NDST4: variants seen among roughly 807,000 people sequenced by gnomAD.
NDST4 encodes N-deacetylase and N-sulfotransferase 4.
A neutral mutation model predicts 100.8 loss-of-function variants in NDST4; 63 were observed. The observed-to-expected ratio is 0.62, with a 90% CI of 0.51 to 0.77. The LOEUF (loss-of-function observed/expected upper bound fraction) is 0.77, where lower values mean the gene tolerates loss of function less well. NDST4 is among the 30% of genes least tolerant of loss of function. NDST4 has a pLI of 0.00. For missense variants in NDST4, 943 were observed against 1,018.4 expected (o/e 0.93, Z 1.01); for synonymous variants, 377 against 361.8 (o/e 1.04, Z -0.48).
At chr4:114,851,008 G>A (rs1308058030) in intron 8 of NDST4, among the ~76,000 whole-genome samples, 2 of 151,976 alleles carry the variant, frequency 1.3e-5, no homozygotes, top group Non-Finnish European at 2.9e-5. Flanking sequence ...ATCTCTTCTG[G>A]GATTCAGCAA....
At chr4:114,932,268 A>G (rs1300685230) in intron 6 of NDST4, among the ~76,000 whole-genome samples, 1 of 151,978 alleles carries the variant, frequency 6.6e-6, no homozygotes, top group African/African-American at 2.4e-5. Context: ...TCTCAATAGA[A>G]GCAGAAAAAG....
intron 1 of NDST4, among the ~76,000 whole-genome samples, chr4:115,103,314 T>C (rs142730264): frequency 9.6e-4 from 146 of 152,318 alleles, no homozygotes; most frequent in African/African-American, 3.2e-3. Context: ...ATGAAGAATG[T>C]AATGCCCAAA....
At chr4:114,995,131 A>G (rs1229124770) in intron 2 of NDST4, among the ~76,000 whole-genome samples, 1 of 152,058 alleles carries the variant, frequency 6.6e-6, no homozygotes, top group African/African-American at 2.4e-5. Flanking sequence ...TCTCATTATT[A>G]CTAATTTCAC....
intron 2 of NDST4, among the ~76,000 whole-genome samples, chr4:115,066,454 T>A (rs2126285597): frequency 6.6e-6 from 1 of 152,008 alleles, no homozygotes; most frequent in South Asian, 2.1e-4. Flanking sequence ...AAAAGAAAAA[T>A]TATGATTAAC....
chr4:115,094,666 G>A (rs985128789), intron 1 of NDST4, among the ~76,000 whole-genome samples: 4 of 152,104 alleles, frequency 2.6e-5, no homozygotes, highest in African/African-American at 4.8e-5. Flanking sequence ...TAGGATTGTT[G>A]CAGGTGTAAT....
chr4:115,020,774 A>C (rs1235361943), intron 2 of NDST4, among the ~76,000 whole-genome samples: 1 of 152,190 alleles, frequency 6.6e-6, no homozygotes, highest in Non-Finnish European at 1.5e-5. Context: ...ACAGTTCCCA[A>C]AAGAAGATAT....
chr4:115,044,516 C>T (rs1728423600), intron 2 of NDST4, among the ~76,000 whole-genome samples: 1 of 151,968 alleles, frequency 6.6e-6, no homozygotes, highest in Non-Finnish European at 1.5e-5. Context: ...TGTGATTAAA[C>T]TGAAGCCCAT....
At chr4:114,954,399 C>T (rs74934644) in intron 4 of NDST4, among the ~76,000 whole-genome samples, 3,053 of 152,018 alleles carry the variant, frequency 0.02, 105 homozygotes, top group African/African-American at 0.068. Flanking sequence ...AATGTAAAAG[C>T]AGGATGGCAA....
chr4:115,047,510 A>T (rs930090350), intron 2 of NDST4, among the ~76,000 whole-genome samples: 1 of 152,128 alleles, frequency 6.6e-6, no homozygotes, highest in Non-Finnish European at 1.5e-5. Context: ...CTTATTTTTC[A>T]AAAGGTAATT....
At chr4:115,017,946 T>G (rs887198976) in intron 2 of NDST4, among the ~76,000 whole-genome samples, 1 of 151,878 alleles carries the variant, frequency 6.6e-6, no homozygotes, top group African/African-American at 2.4e-5. Context: ...GAAGACAAAT[T>G]TAATACATAT....
chr4:114,992,249 C>T (rs1727056554), intron 2 of NDST4, among the ~76,000 whole-genome samples: 1 of 151,708 alleles, frequency 6.6e-6, no homozygotes. Context: ...CCTTAAGCTA[C>T]TCTTGCCTGC....
intron 1 of NDST4, among the ~76,000 whole-genome samples, chr4:115,088,594 G>T (rs1340889508): frequency 6.6e-6 from 1 of 151,748 alleles, no homozygotes; most frequent in East Asian, 1.9e-4. Flanking sequence ...TTGTTAAGAA[G>T]TTTAGCTCAT....
chr4:115,035,309 G>T (rs1728209952), intron 2 of NDST4, among the ~76,000 whole-genome samples: 1 of 152,016 alleles, frequency 6.6e-6, no homozygotes, highest in African/African-American at 2.4e-5. Flanking sequence ...GCAAGAAATT[G>T]CATCAGATAG....
At chr4:115,100,730 C>G (rs1178083333) in intron 1 of NDST4, among the ~76,000 whole-genome samples, 2 of 151,784 alleles carry the variant, frequency 1.3e-5, no homozygotes, top group Admixed American at 6.6e-5. Flanking sequence ...CTTCAATTTC[C>G]CTGCACCCCA....
intron 2 of NDST4, among the ~76,000 whole-genome samples, chr4:115,005,465 C>A (rs1560854993): frequency 6.6e-6 from 1 of 152,026 alleles, no homozygotes; most frequent in African/African-American, 2.4e-5. Context: ...ACACCAATAT[C>A]TTGGGAAGAA....
At chr4:115,063,507 A>G (rs1012259137) in intron 2 of NDST4, among the ~76,000 whole-genome samples, 4 of 152,056 alleles carry the variant, frequency 2.6e-5, no homozygotes, top group African/African-American at 7.2e-5. Flanking sequence ...AGGAGCATGA[A>G]AATAGCAAAT....
At chr4:114,840,303 A>G (rs1203241314) in intron 10 of NDST4, among the ~76,000 whole-genome samples, 1 of 152,170 alleles carries the variant, frequency 6.6e-6, no homozygotes, top group Non-Finnish European at 1.5e-5. Flanking sequence ...TGAGAGATAA[A>G]TTTAACAGTC....
At chr4:114,832,561 A>G (rs1400534916) in intron 12 of NDST4, among the ~76,000 whole-genome samples, 4 of 152,046 alleles carry the variant, frequency 2.6e-5, no homozygotes, top group African/African-American at 7.2e-5. Context: ...ATAAAAATAT[A>G]TGGTTTTATT....
At chr4:115,032,128 A>G (rs1403729936) in intron 2 of NDST4, among the ~76,000 whole-genome samples, 4 of 152,124 alleles carry the variant, frequency 2.6e-5, no homozygotes, top group Non-Finnish European at 5.9e-5. Flanking sequence ...CTTTGCAGAA[A>G]CAAATCACAT....
Sources: gnomAD v4.1 joint callset for allele counts (sites outside exome capture counted in the v4.1 genomes callset) on GRCh38, gnomAD v4.1.1 for gene constraint, MANE v1.5 for transcripts, NCBI Gene and HGNC (gene_info 2026-07-23, HGNC 2026-07-21) for gene names.